Variants in NREP observed in about 807,000 individuals in gnomAD.
NREP encodes the protein neuronal regeneration related protein, also known as neuronal regeneration-related protein.
Under a neutral mutation model 8.6 loss-of-function variants are expected in NREP, and 5 were observed. The observed-to-expected ratio is 0.58, with a 90% CI of 0.30 to 1.22. The LOEUF (loss-of-function observed/expected upper bound fraction) is 1.22. NREP is among the 50% of genes most tolerant of loss of function. The pLI is 0.07. For missense variants in NREP, 86 were observed against 82.5 expected (o/e 1.04, Z -0.17); for synonymous variants, 27 against 28.0 (o/e 0.96, Z 0.11).
intron 2 of NREP, among the ~76,000 whole-genome samples, chr5:111,815,439 T>C (rs1471727220): frequency 6.6e-6 from 1 of 152,160 alleles, no homozygotes; most frequent in Non-Finnish European, 1.5e-5. Flanking sequence ...TTAAAAACTT[T>C]GTAATTCAAG....
intron 2 of NREP, among the ~76,000 whole-genome samples, chr5:111,848,225 TAGTA>T (rs1490989651): frequency 8.5e-5 from 13 of 152,154 alleles, no homozygotes; most frequent in Admixed American, 7.9e-4. Flanking sequence ...ATTTAAAAGT[TAGTA>T]AGTTCTTTCT....
chr5:111,785,930 G>C (rs1269725807), intron 2 of NREP, among the ~76,000 whole-genome samples: 1 of 152,228 alleles, frequency 6.6e-6, no homozygotes, highest in East Asian at 1.9e-4. Context: ...TGCAGAGAGA[G>C]TATGAAAACA....
At chr5:111,874,223 T>C (rs1219721945) in intron 2 of NREP, among the ~76,000 whole-genome samples, 1 of 152,174 alleles carries the variant, frequency 6.6e-6, no homozygotes, top group African/African-American at 2.4e-5. Context: ...CCATATACTG[T>C]TCTCTTTATC....
At chr5:111,839,539 T>TA (rs957111740) in intron 2 of NREP, among the ~76,000 whole-genome samples, 47 of 152,126 alleles carry the variant, frequency 3.1e-4, no homozygotes, top group African/African-American at 1.1e-3. Context: ...CCTGTACAAC[T>TA]AAAATGACGT....
At chr5:111,758,957 A>G (rs999875822), upstream of NREP, among the ~76,000 whole-genome samples, 17 of 152,250 alleles carry the variant, frequency 1.1e-4, no homozygotes, top group Non-Finnish European at 2.4e-4. Flanking sequence ...GAATTAATCT[A>G]AAACATCACA....
At chr5:111,968,713 C>T (rs1464442931) in intron 2 of NREP, among the ~76,000 whole-genome samples, 1 of 152,170 alleles carries the variant, frequency 6.6e-6, no homozygotes, top group Non-Finnish European at 1.5e-5. Context: ...ATGCCCTAGC[C>T]CCACTACTTC....
At chr5:111,735,021 T>C (rs1208548725) in intron 3 of NREP, 1 of 360,276 alleles carries the variant, frequency 2.8e-6, no homozygotes, top group Non-Finnish European at 4.9e-6. Context: ...AACAGTTTTT[T>C]TGTTCCTCCC....
chr5:111,796,389 A>G (rs1227027010), intron 2 of NREP, among the ~76,000 whole-genome samples: 1 of 152,196 alleles, frequency 6.6e-6, no homozygotes, highest in Non-Finnish European at 1.5e-5. Flanking sequence ...TTTGCCATGT[A>G]AGATAACATA....
rs1554093394 is a variant in NREP, at chr5:111,730,548, G to GA, written c.*372dup. The GA allele has an allele frequency of 8.2e-5, 14 of 170,102 alleles. No homozygotes were observed. The highest frequency in any genetic ancestry group is 1.7e-4 in the African/African-American group (7 of 41,792). 10.5% of individuals were successfully genotyped at this position (170,102 alleles called of 1,614,324 possible). A position where few individuals can be genotyped will look rare whatever the true frequency, so the allele number is the denominator to read the frequency against. On this transcript the variant is annotated 3_prime_UTR_variant, in exon 4 of 4. Transcript: ENST00000257435. The stretch of plus-strand genomic sequence containing the variant: ...TAAATGAAAAAAAAGGTGGGGGGGG[G>GA]ACTCTCAGCCTCTGCAAGAAGCAGT...
chr5:111,737,040 G>C (rs1749188237), intron 2 of NREP, among the ~76,000 whole-genome samples: 1 of 152,148 alleles, frequency 6.6e-6, no homozygotes, highest in East Asian at 1.9e-4. Flanking sequence ...GCAAGAGCTA[G>C]AACTATTTTC....
chr5:111,882,537 C>T (rs1301756197), intron 2 of NREP, among the ~76,000 whole-genome samples: 2 of 152,044 alleles, frequency 1.3e-5, no homozygotes, highest in Admixed American at 6.6e-5. Flanking sequence ...GTCAGATTCA[C>T]CAAAGTTGAA....
At chr5:111,879,998 A>C (rs1208890269) in intron 2 of NREP, among the ~76,000 whole-genome samples, 1 of 152,220 alleles carries the variant, frequency 6.6e-6, no homozygotes, top group Non-Finnish European at 1.5e-5. Context: ...ATTTGGGGAG[A>C]TATAAACATT....
intron 2 of NREP, among the ~76,000 whole-genome samples, chr5:111,811,783 G>C (rs1316334012): frequency 2.0e-5 from 3 of 152,044 alleles, no homozygotes; most frequent in Non-Finnish European, 2.9e-5. Flanking sequence ...TAATCACAAA[G>C]GGTTTTTTTC....
intron 2 of NREP, among the ~76,000 whole-genome samples, chr5:111,903,528 C>T (rs1270934076): frequency 6.6e-6 from 1 of 152,058 alleles, no homozygotes; most frequent in African/African-American, 2.4e-5. Context: ...TTGGTAATTA[C>T]ATTTTTTCTA....
chr5:111,930,931 G>A (rs1470690057), intron 2 of NREP, among the ~76,000 whole-genome samples: 2 of 152,126 alleles, frequency 1.3e-5, no homozygotes, highest in African/African-American at 4.8e-5. Context: ...CCTGCTGGAT[G>A]TTGTGATGGT....
At chr5:111,970,117 T>A (rs1243345467) in intron 2 of NREP, among the ~76,000 whole-genome samples, 2 of 152,236 alleles carry the variant, frequency 1.3e-5, no homozygotes, top group Non-Finnish European at 2.9e-5. Flanking sequence ...GTGTACAACA[T>A]GGATTTGCTA....
intron 2 of NREP, among the ~76,000 whole-genome samples, chr5:111,745,684 A>C (rs1749957224): frequency 6.6e-6 from 1 of 152,200 alleles, no homozygotes; most frequent in African/African-American, 2.4e-5. Context: ...CTGCTTAGTT[A>C]AAAAATATTT....
intron 2 of NREP, among the ~76,000 whole-genome samples, chr5:111,973,575 A>C (rs2112676069): frequency 6.6e-6 from 1 of 152,126 alleles, no homozygotes; most frequent in Middle Eastern, 3.4e-3. Flanking sequence ...TGTGACCCAA[A>C]CTTTTCTGAA....
intron 2 of NREP, among the ~76,000 whole-genome samples, chr5:111,799,694 G>C (rs533793083): frequency 6.6e-6 from 1 of 152,134 alleles, no homozygotes; most frequent in East Asian, 1.9e-4. Context: ...AGTTATTTCC[G>C]ATTTAAGGCT....
Sources: allele counts gnomAD v4.1 joint callset (sites outside exome capture counted in the v4.1 genomes callset), GRCh38; gene constraint gnomAD v4.1.1; transcripts MANE v1.5; gene names NCBI Gene and HGNC (gene_info 2026-07-23, HGNC 2026-07-21).